Variants in HIP1 observed in about 807,000 individuals in gnomAD.
HIP1 encodes the protein huntingtin-interacting protein 1.
Under a neutral mutation model 147.6 loss-of-function variants are expected in HIP1, and 65 were observed. The ratio of observed to expected loss-of-function variants is 0.44; its 90% confidence interval spans 0.36 to 0.54. HIP1 has a LOEUF of 0.54. Among genes scored for constraint, HIP1 ranks in the 20% least tolerant of loss-of-function variants. The pLI is 0.00. For missense variants in HIP1, 1,061 were observed against 1,299.6 expected (o/e 0.82, Z 2.82); for synonymous variants, 479 against 504.0 (o/e 0.95, Z 0.67).
chr7:75,671,848 C>T (rs899545164), intron 1 of HIP1, among the ~76,000 whole-genome samples: 1 of 152,166 alleles, frequency 6.6e-6, no homozygotes, highest in Non-Finnish European at 1.5e-5. Flanking sequence ...GATTCTCCTG[C>T]CTCAGCCTCC....
intron 1 of HIP1, among the ~76,000 whole-genome samples, chr7:75,657,095 G>A (rs944264391): frequency 6.6e-6 from 1 of 152,272 alleles, no homozygotes; most frequent in East Asian, 1.9e-4. Context: ...TCGTTCTACC[G>A]AAAAGACATA....
intron 1 of HIP1, among the ~76,000 whole-genome samples, chr7:75,702,742 C>T (rs1038563533): frequency 1.3e-4 from 20 of 152,084 alleles, no homozygotes; most frequent in African/African-American, 2.4e-4. Flanking sequence ...CCAGCCTGGG[C>T]GCCAGAGTGA....
intron 2 of HIP1, among the ~76,000 whole-genome samples, chr7:75,598,071 TAG>T (rs1167444902): frequency 2.6e-5 from 4 of 152,116 alleles, no homozygotes; most frequent in Non-Finnish European, 5.9e-5. Flanking sequence ...TTCACGAAGG[TAG>T]AGAGCCCCTG....
chr7:75,559,871 C>T lies in HIP1; in HGVS notation c.1236G>A (p.Leu412=), dbSNP rs1214932315. The T allele has an allele frequency of 1.2e-6, 2 of 1,611,548 alleles. No homozygotes were observed. Among genetic ancestry groups the T allele is most frequent in the Non-Finnish European group, 1.7e-6 (2 of 1,179,582 alleles). ...VLQLKGHVSE[L]EADLAEQQHL... Reference sequence around the variant, plus strand: ...GCTGCTGCTCGGCCAGATCTGCTTCCAGCTCGCTGACGTGGCCCTTCAGCT... The same window carrying T: ...GCTGCTGCTCGGCCAGATCTGCTTCTAGCTCGCTGACGTGGCCCTTCAGCT... The change falls in exon 14 of 31, where the codon CTG becomes CTA. Residue 412 remains leucine, a synonymous_variant. Transcript: ENST00000336926.
intron 1 of HIP1, among the ~76,000 whole-genome samples, chr7:75,648,001 T>A (rs1345494126): frequency 2.6e-5 from 4 of 152,194 alleles, no homozygotes; most frequent in Non-Finnish European, 4.4e-5. Flanking sequence ...CTAGACCCCT[T>A]AGGCCCTCCT....
chr7:75,605,822 C>A (rs1448821883), intron 1 of HIP1, among the ~76,000 whole-genome samples: 1 of 152,106 alleles, frequency 6.6e-6, no homozygotes, highest in Non-Finnish European at 1.5e-5. Context: ...GCGTGAGCTA[C>A]CGCGCCTGGC....
intron 1 of HIP1, among the ~76,000 whole-genome samples, chr7:75,676,441 G>A (rs74302334): frequency 1.3e-5 from 2 of 152,016 alleles, no homozygotes; most frequent in Non-Finnish European, 2.9e-5. Context: ...GCCAACACAC[G>A]CACATGGCCA....
chr7:75,706,243 C>A (rs1369512830), intron 1 of HIP1, among the ~76,000 whole-genome samples: 1 of 152,142 alleles, frequency 6.6e-6, no homozygotes, highest in Non-Finnish European at 1.5e-5. Flanking sequence ...ACAGTGGCTG[C>A]ACCATCTTAC....
intron 1 of HIP1, among the ~76,000 whole-genome samples, chr7:75,674,818 C>T (rs1318109873): frequency 6.6e-6 from 1 of 151,626 alleles, no homozygotes; most frequent in Non-Finnish European, 1.5e-5. Context: ...GAGAAGCCAG[C>T]TGTTAATCTT....
chr7:75,698,587 G>A (rs1410815992), intron 1 of HIP1, among the ~76,000 whole-genome samples: 6 of 152,172 alleles, frequency 3.9e-5, no homozygotes, highest in African/African-American at 1.4e-4. Flanking sequence ...GGAGGCCAAG[G>A]CAGGAGGATC....
At chr7:75,538,809 C>T (rs1026026529) in intron 30 of HIP1, among the ~76,000 whole-genome samples, 104 of 152,116 alleles carry the variant, frequency 6.8e-4, no homozygotes, top group African/African-American at 2.5e-3. Context: ...CTCCTGACCT[C>T]GTGATCCGCC....
chr7:75,681,497 CTTT>C (rs10546838), intron 1 of HIP1, among the ~76,000 whole-genome samples: 9 of 124,272 alleles, frequency 7.2e-5, no homozygotes, highest in African/African-American at 2.6e-4. Flanking sequence ...ACAGCACCTG[CTTT>C]TTTTTTTTTT....
In HIP1 at chr7:75,557,716, C is replaced by G. The variant is rs782760632; in HGVS notation, c.1519G>C (p.Glu507Gln). The G allele has an allele frequency of 2.5e-6, 4 of 1,614,036 alleles. No individual in the cohort carries two copies. The highest frequency in any genetic ancestry group is 2.7e-5 in the African/African-American group (2 of 74,930). Reference sequence around the variant, plus strand: ...TCCTCCAGCTCTTTTTTCTCTCGTTCCAAATCTACCTGGGCTTGTCTGGCC... The same window carrying G: ...TCCTCCAGCTCTTTTTTCTCTCGTTGCAAATCTACCTGGGCTTGTCTGGCC... ...SMARQAQVDL[E>Q]REKKELEDSL... The change falls in exon 16 of 31, where the codon GAA becomes CAA. Residue 507 changes from glutamate (E) to glutamine (Q), a missense_variant. By Grantham distance (29) the Glu-to-Gln change is conservative (BLOSUM62 2). Coordinates refer to ENST00000336926, the MANE Select transcript of HIP1 (RefSeq NM_005338.7).
At chr7:75,614,822 G>A (rs1056980495) in intron 1 of HIP1, among the ~76,000 whole-genome samples, 1 of 151,940 alleles carries the variant, frequency 6.6e-6, no homozygotes, top group East Asian at 1.9e-4. Context: ...CACCCAGGCT[G>A]GAGTGCAGTG....
chr7:75,679,937 G>T (rs781980913), intron 1 of HIP1, among the ~76,000 whole-genome samples: 1 of 152,038 alleles, frequency 6.6e-6, no homozygotes, highest in Non-Finnish European at 1.5e-5. Context: ...TCCTTCTTTC[G>T]GCTGCAGACA....
chr7:75,591,985 A>T, intron 4 of HIP1, 71 bp downstream of exon 4: 1 of 1,191,492 alleles, frequency 8.4e-7, no homozygotes. Flanking sequence ...TTCACCCTCC[A>T]GTCCTTGCTC....
intron 1 of HIP1, among the ~76,000 whole-genome samples, chr7:75,659,169 TC>T (rs1394810646): frequency 2.0e-5 from 3 of 152,152 alleles, no homozygotes; most frequent in Non-Finnish European, 4.4e-5. Flanking sequence ...CAAATGGCTT[TC>T]CCCCAAATCC....
At chr7:75,540,705 G>A (rs1165837719) in intron 29 of HIP1, among the ~76,000 whole-genome samples, 2 of 152,108 alleles carry the variant, frequency 1.3e-5, no homozygotes, top group Admixed American at 6.6e-5. Flanking sequence ...AGTTATTCTA[G>A]AAAAACTATG....
intron 1 of HIP1, among the ~76,000 whole-genome samples, chr7:75,678,940 C>G (rs1326391901): frequency 6.6e-6 from 1 of 152,154 alleles, no homozygotes; most frequent in Non-Finnish European, 1.5e-5. Flanking sequence ...AAACGATAGC[C>G]AAGGAAGCTA....
Sources: gnomAD v4.1 joint callset for allele counts (sites outside exome capture counted in the v4.1 genomes callset) on GRCh38, gnomAD v4.1.1 for gene constraint, MANE v1.5 for transcripts, NCBI Gene and HGNC (gene_info 2026-07-23, HGNC 2026-07-21) for gene names.